Variants in RABL3 observed in about 807,000 individuals in gnomAD.
The protein encoded by RABL3 is rab-like protein 3.
In RABL3, 31 loss-of-function variants were observed where a neutral mutation model predicts 31.8. That is an observed-to-expected ratio of 0.97 (90% confidence interval 0.73 to 1.31). RABL3 has a LOEUF of 1.31. RABL3 is among the 40% of genes most tolerant of loss of function. The pLI is 0.00. For synonymous variants in RABL3, 97 were observed against 99.9 expected (o/e 0.97, Z 0.18); for missense variants, 263 against 279.6 (o/e 0.94, Z 0.42).
intron 1 of RABL3, among the ~76,000 whole-genome samples, chr3:120,740,223 A>T (rs986224341): frequency 2.0e-5 from 3 of 152,184 alleles, no homozygotes; most frequent in Non-Finnish European, 4.4e-5. Context: ...CAAATATCTC[A>T]ATAGGATAAA....
chr3:120,702,194 G>C (rs1708499575), intron 4 of RABL3, among the ~76,000 whole-genome samples: 1 of 152,150 alleles, frequency 6.6e-6, no homozygotes, highest in Non-Finnish European at 1.5e-5. Flanking sequence ...AACACAAGCA[G>C]AATGCTCAAA....
intron 1 of RABL3, among the ~76,000 whole-genome samples, chr3:120,739,680 A>G (rs770611999): frequency 5.9e-5 from 9 of 152,132 alleles, no homozygotes; most frequent in Admixed American, 1.3e-4. Context: ...TAAATACTCA[A>G]AATTATATTT....
intron 2 of RABL3, among the ~76,000 whole-genome samples, chr3:120,727,354 T>A (rs899280065): frequency 6.6e-6 from 1 of 152,122 alleles, no homozygotes. Flanking sequence ...CGGAAAAAAT[T>A]TTTTTGTGTC....
intron 2 of RABL3, among the ~76,000 whole-genome samples, chr3:120,729,074 G>T (rs1289717517): frequency 6.6e-6 from 1 of 152,088 alleles, no homozygotes; most frequent in Non-Finnish European, 1.5e-5. Flanking sequence ...CCGGACCTTT[G>T]ATGAGGTGCC....
chr3:120,718,794 C>A (rs1033319141), intron 2 of RABL3, among the ~76,000 whole-genome samples: 12 of 152,162 alleles, frequency 7.9e-5, no homozygotes, highest in African/African-American at 2.9e-4. Flanking sequence ...CAAACACTAA[C>A]TAAAAATAAG....
chr3:120,721,466 T>C (rs1708740271), intron 2 of RABL3, among the ~76,000 whole-genome samples: 1 of 150,414 alleles, frequency 6.6e-6, no homozygotes. Context: ...AGGCTCAAAA[T>C]AAAGGGATGG....
chr3:120,709,702 G>GC (rs1355574203), intron 3 of RABL3, 78 bp downstream of exon 3: 1 of 1,053,260 alleles, frequency 9.5e-7, no homozygotes, highest in Non-Finnish European at 1.4e-6. Flanking sequence ...GATGAGTCTG[G>GC]CATGCTATGG....
intron 1 of RABL3, among the ~76,000 whole-genome samples, chr3:120,739,674 T>A (rs1444332429): frequency 2.0e-5 from 3 of 152,210 alleles, no homozygotes; most frequent in Non-Finnish European, 4.4e-5. Flanking sequence ...GATTTTTAAA[T>A]ACTCAAAATT....
At chr3:120,711,750 T>C (rs1257619480) in intron 2 of RABL3, among the ~76,000 whole-genome samples, 2 of 152,216 alleles carry the variant, frequency 1.3e-5, no homozygotes, top group African/African-American at 4.8e-5. Context: ...ATTAATTTTT[T>C]TTAAGAAATA....
At position 120,700,702 on chromosome 3, in the gene RABL3, T is replaced by C. The variant is rs557299991; in HGVS notation, c.384-2129A>G. On this transcript the variant is annotated intron_variant, in intron 4 of 7. Transcript: ENST00000273375. ...TGTTTTAAAGTATATATGGATGAAA[T>C]GATATGATGTTTTAACATTTGGTTC... Among the ~76,000 whole-genome samples the C allele has an allele frequency of 3.3e-5, 5 of 152,142 alleles. No homozygotes were observed. The East Asian group carries it at 7.7e-4, about 23-fold the overall frequency.
At chr3:120,718,568 A>C (rs1011032362) in intron 2 of RABL3, among the ~76,000 whole-genome samples, 1 of 152,240 alleles carries the variant, frequency 6.6e-6, no homozygotes, top group African/African-American at 2.4e-5. Flanking sequence ...CTATAAGAGA[A>C]TCATCAAGAT....
chr3:120,690,473 T>C lies in RABL3; in HGVS notation c.621A>G (p.Arg207=). The C allele has an allele frequency of 1.2e-6, 2 of 1,601,928 alleles. No homozygotes were observed. The change falls in exon 7 of 8, where the codon AGA becomes AGG. Residue 207 remains arginine, a synonymous_variant. Transcript: ENST00000273375. The stretch of plus-strand genomic sequence containing the variant: ...CCTGATTACCTTCTCTTAAAAAGTA[T>C]CTCTTCTCTATGACCTGTGAAAAAC... ...SRFFDKVIEK[R]YFLREGNQIP...
chr3:120,690,769 C>A (rs1708371253), intron 6 of RABL3, among the ~76,000 whole-genome samples: 1 of 152,080 alleles, frequency 6.6e-6, no homozygotes, highest in African/African-American at 2.4e-5. Context: ...AGATCCTATG[C>A]AATTCTTAGA....
chr3:120,698,357 T>G, intron 5 of RABL3, 66 bp downstream of exon 5: 1 of 1,400,806 alleles, frequency 7.1e-7, no homozygotes, highest in Non-Finnish European at 9.9e-7. Flanking sequence ...ATATATTATT[T>G]GAATATGTCT....
intron 5 of RABL3, 81 bp downstream of exon 5, chr3:120,698,342 C>T: frequency 7.6e-7 from 1 of 1,319,202 alleles, no homozygotes; most frequent in Non-Finnish European, 1.1e-6. Flanking sequence ...GCTTCTTTCA[C>T]TAGAATATAT....
intron 1 of RABL3, chr3:120,738,755 T>C (rs149105398): frequency 6.6e-6 from 1 of 152,324 alleles, no homozygotes; most frequent in East Asian, 1.9e-4. Context: ...AGTATCTCCA[T>C]AGTACTTCAG....
intron 2 of RABL3, among the ~76,000 whole-genome samples, chr3:120,710,894 C>A (rs369924778): frequency 5.9e-5 from 9 of 152,204 alleles, no homozygotes; most frequent in African/African-American, 2.2e-4. Flanking sequence ...TAATCCTTTT[C>A]TTCACATTCT....
At chr3:120,701,362 C>T (rs192829342) in intron 4 of RABL3, among the ~76,000 whole-genome samples, 4 of 152,228 alleles carry the variant, frequency 2.6e-5, no homozygotes, top group Non-Finnish European at 5.9e-5. Flanking sequence ...ACCAACAAAG[C>T]ACACCAATGT....
At chr3:120,737,262 A>G (rs964265234) in intron 1 of RABL3, among the ~76,000 whole-genome samples, 20 of 152,080 alleles carry the variant, frequency 1.3e-4, no homozygotes, top group Admixed American at 1.1e-3. Flanking sequence ...TTCTCACTTA[A>G]TTTCATACAT....
Sources: gnomAD v4.1 joint callset for allele counts (sites outside exome capture counted in the v4.1 genomes callset) on GRCh38, gnomAD v4.1.1 for gene constraint, MANE v1.5 for transcripts, NCBI Gene and HGNC (gene_info 2026-07-23, HGNC 2026-07-21) for gene names.